Variants in TBX4 observed in about 807,000 individuals in gnomAD.
TBX4 encodes T-box transcription factor 4.
Under a neutral mutation model 54.6 loss-of-function variants are expected in TBX4, and 13 were observed. The observed-to-expected ratio is 0.24, with a 90% CI of 0.15 to 0.38. The LOEUF is 0.38. TBX4 is among the 10% of genes least tolerant of loss of function. The pLI, the probability that TBX4 is intolerant of heterozygous loss-of-function variation, is 1.00. For missense variants in TBX4, 631 were observed against 728.5 expected (o/e 0.87, Z 1.54); for synonymous variants, 314 against 306.7 (o/e 1.02, Z -0.25).
intron 2 of TBX4, 99 bp downstream of exon 2, chr17:61,456,775 TCAGGAG>T (rs2060453797): frequency 1.0e-6 from 1 of 965,522 alleles, no homozygotes; most frequent in East Asian, 3.7e-5. Flanking sequence ...GGACTCGCTT[TCAGGAG>T]GACCTGGCTG....
intron 5 of TBX4, among the ~76,000 whole-genome samples, chr17:61,469,958 C>T (rs2060564844): frequency 6.6e-6 from 1 of 152,220 alleles, no homozygotes; most frequent in Non-Finnish European, 1.5e-5. Flanking sequence ...TGAAAGCTTC[C>T]AGGCCTCAAG....
chr17:61,458,188 C>A (rs1370294340), intron 3 of TBX4, among the ~76,000 whole-genome samples: 1 of 151,612 alleles, frequency 6.6e-6, no homozygotes, highest in Non-Finnish European at 1.5e-5. Context: ...GAGCGGCTCT[C>A]GGTGGCTGCC....
At chr17:61,456,705 G>T in intron 2 of TBX4, 29 bp downstream of exon 2, 1 of 1,364,536 alleles carries the variant, frequency 7.3e-7, no homozygotes, top group South Asian at 1.7e-5. Context: ...TCGGGTAGAA[G>T]TCGGGCGTCG....
rs1283307580 is a variant in TBX4, at chr17:61,472,528, C to G, written c.549+4871C>G. Among the ~76,000 whole-genome samples, 3 of 152,170 alleles carry G rather than the reference C, an allele frequency of 2.0e-5. No individual in the cohort carries two copies. The highest frequency in any genetic ancestry group is 7.2e-5 in the African/African-American group (3 of 41,440). The stretch of plus-strand genomic sequence containing the variant: ...ACTCTTATAAATTAGGAGGATGTAG[C>G]TCTTATCTGTGATGAGTTACACATG... On this transcript the variant is annotated intron_variant, in intron 5 of 8. Coordinates refer to ENST00000644296, the MANE Select transcript of TBX4 (RefSeq NM_001321120.2). This position sits in a 1 kb window ranked among gnomAD's most constrained non-coding sequence, Gnocchi z 4.5.
chr17:61,457,420 A>G lies in TBX4; in HGVS notation c.187-117A>G, dbSNP rs988616357. On this transcript the variant is annotated intron_variant, in intron 2 of 8. Coordinates refer to ENST00000644296, the MANE Select transcript of TBX4 (RefSeq NM_001321120.2). This position sits in a 1 kb window ranked among gnomAD's most constrained non-coding sequence, Gnocchi z 8.2. ...GTTCTGTGAAACGAAATCTGGAGCCATGGGCTCCGGGCGGGCAGGGTTCCG... is the reference window on the plus strand; with the variant it reads ...GTTCTGTGAAACGAAATCTGGAGCCGTGGGCTCCGGGCGGGCAGGGTTCCG... 16 of 866,456 alleles carry G rather than the reference A, an allele frequency of 1.8e-5. No homozygotes were observed. Among genetic ancestry groups the G allele is most frequent in the South Asian group, 2.8e-5 (2 of 72,030 alleles). The allele number at this position is 866,456 out of a possible 1,614,324, so 53.7% of individuals were successfully genotyped here. A position where few individuals can be genotyped will look rare whatever the true frequency, so the allele number is the denominator to read the frequency against.
In TBX4 at chr17:61,476,517, G is replaced by A. The variant is rs1603254206; in HGVS notation, c.550-2110G>A. 6.6e-6 allele frequency among the ~76,000 whole-genome samples: 1 copy of A among 152,362 alleles called. No individual in the cohort carries two copies. Among genetic ancestry groups the A allele is most frequent in the East Asian group, 1.9e-4 (1 of 5,190 alleles). The stretch of plus-strand genomic sequence containing the variant: ...GCACGGTGATGGAGTCACCTAAAGG[G>A]GCTGGGAGGTGTTTTCCAGGCCCAG... On this transcript the variant is annotated intron_variant, in intron 5 of 8. Coordinates refer to ENST00000644296, the MANE Select transcript of TBX4 (RefSeq NM_001321120.2). This position sits in a 1 kb window ranked among gnomAD's most constrained non-coding sequence, Gnocchi z 6.5.
intron 5 of TBX4, among the ~76,000 whole-genome samples, chr17:61,473,550 T>C (rs753712739): frequency 2.3e-4 from 35 of 152,134 alleles, no homozygotes; most frequent in Non-Finnish European, 5.1e-4. Context: ...TTTCCTCCTT[T>C]CCTCCCACAT....
At chr17:61,468,100 C>T (rs1361396386) in intron 5 of TBX4, among the ~76,000 whole-genome samples, 2 of 152,208 alleles carry the variant, frequency 1.3e-5, no homozygotes, top group Admixed American at 6.5e-5. Context: ...TAAGCCTTTT[C>T]GAGCGAGAGT....
At position 61,481,846 on chromosome 17, in the gene TBX4, A is replaced by C. The variant is rs573915138; in HGVS notation, c.1022-1051A>C. On this transcript the variant is annotated intron_variant, in intron 8 of 8. Transcript: ENST00000644296. This position sits in a 1 kb window ranked among gnomAD's most constrained non-coding sequence, Gnocchi z 4.8. ...CAATGGTGCAATCTGGGCTCACTGC[A>C]ACCTCTGCCTCCCGAATTCAAGTGA... The C allele has an allele frequency of 6.6e-6, 1 of 152,352 alleles. No individual in the cohort carries two copies. The highest frequency in any genetic ancestry group is 1.5e-5 in the Non-Finnish European group (1 of 68,092). The allele number at this position is 152,352 out of a possible 1,614,324, so 9.4% of individuals were successfully genotyped here. A position where few individuals can be genotyped will look rare whatever the true frequency, so the allele number is the denominator to read the frequency against.
Position 61,465,934 on chromosome 17 carries a change from A to C in TBX4, c.397A>C (p.Lys133Gln). 6.2e-7 allele frequency: 1 copy of C among 1,613,954 alleles called. No individual in the cohort carries two copies. Among genetic ancestry groups the C allele is most frequent in the Admixed American group, 1.7e-5 (1 of 60,024 alleles). ...DDHRYKFCDN[K>Q]WMVAGKAEPA... The stretch of plus-strand genomic sequence containing the variant: ...CCATCGCTACAAGTTCTGTGACAAC[A>C]AATGGTAAGTGGACCCTGACCGCAT... The change falls in exon 4 of 9, where the codon AAA (lysine) becomes CAA (glutamine). Residue 133 changes from lysine to glutamine, a missense_variant. Around this residue, in one of 3 missense-constraint regions of TBX4, gnomAD observed 154 missense variants for 238.6 expected, o/e 0.65. Transcript: ENST00000644296. The surrounding 1 kb of genome is among the most constrained non-coding windows in gnomAD (Gnocchi z 4.9).
At chr17:61,477,918 G>C (rs1248354625) in intron 5 of TBX4, among the ~76,000 whole-genome samples, 1 of 138,808 alleles carries the variant, frequency 7.2e-6, no homozygotes, top group Non-Finnish European at 1.5e-5. Context: ...TCCAGCCTGG[G>C]CAACAAGAGT....
In TBX4 at chr17:61,474,549, A is replaced by G. The variant is rs58582622; in HGVS notation, c.550-4078A>G. Among the ~76,000 whole-genome samples, 9,640 of 152,338 alleles carry G rather than the reference A, an allele frequency of 0.063. 1,014 individuals carry two copies. The highest frequency in any genetic ancestry group is 0.22 in the African/African-American group (9,151 of 41,552). ...TAGATAGATCTGGGCTTTATTGGCC[A>G]AGCACGCTATGGCGATCTCTTGAGG... On this transcript the variant is annotated intron_variant, in intron 5 of 8. Transcript: ENST00000644296. The surrounding 1 kb of genome is among the most constrained non-coding windows in gnomAD (Gnocchi z 4.6).
In TBX4 at chr17:61,484,973, AACAC is replaced by A. The variant is rs929558513; in HGVS notation, c.*1466_*1469del. ...ATATATATATATATATATATATATA[AACAC>A]ACACACACTACAGATAAGGCTTTTT... On this transcript the variant is annotated 3_prime_UTR_variant, in exon 9 of 9. Coordinates refer to ENST00000644296, the MANE Select transcript of TBX4 (RefSeq NM_001321120.2). This position sits in a 1 kb window ranked among gnomAD's most constrained non-coding sequence, Gnocchi z 4.1. 1.4e-4 allele frequency: 19 copies of A among 136,958 alleles called. No individual in the cohort carries two copies. The highest frequency in any genetic ancestry group is 3.7e-3 in the Middle Eastern group (1 of 270). 8.5% of individuals were successfully genotyped at this position (136,958 alleles called of 1,614,324 possible). A position where few individuals can be genotyped will look rare whatever the true frequency, so the allele number is the denominator to read the frequency against.
rs115166552 is a variant in TBX4, at chr17:61,464,952, G to T, written c.282-867G>T. On this transcript the variant is annotated intron_variant, in intron 3 of 8. Transcript: ENST00000644296. The surrounding 1 kb of genome is among the most constrained non-coding windows in gnomAD (Gnocchi z 5.8). ...CACTTCTCCATTTACTTTGCTGAGG[G>T]AGGAGTGCAGCAGGGGTCCGTGGTA... 5.6e-3 allele frequency among the ~76,000 whole-genome samples: 857 copies of T among 152,296 alleles called. 6 individuals are homozygous for T. Among genetic ancestry groups the T allele is most frequent in the African/African-American group, 0.019 (795 of 41,550 alleles).
chr17:61,477,397 G>A (rs1022611187), intron 5 of TBX4, among the ~76,000 whole-genome samples: 3 of 152,240 alleles, frequency 2.0e-5, no homozygotes, highest in Non-Finnish European at 4.4e-5. Flanking sequence ...CCTCCAGGGC[G>A]CTTTGCTAAG....
chr17:61,481,033 T>C lies in TBX4; in HGVS notation c.1021+714T>C, dbSNP rs1043901453. ...TTCCCTTCGGAATGAGCCTGGGGAC[T>C]TTTGCTTGCCTTCCGGAATGTTCCC... On this transcript the variant is annotated intron_variant, in intron 8 of 8. Transcript: ENST00000644296. The surrounding 1 kb of genome is among the most constrained non-coding windows in gnomAD (Gnocchi z 4.8). Among the ~76,000 whole-genome samples the C allele has an allele frequency of 2.8e-4, 42 of 152,122 alleles. No homozygotes were observed. Among genetic ancestry groups the C allele is most frequent in the Admixed American group, 2.6e-4 (4 of 15,272 alleles).
At chr17:61,458,181 C>T (rs2060468304) in intron 3 of TBX4, among the ~76,000 whole-genome samples, 1 of 151,710 alleles carries the variant, frequency 6.6e-6, no homozygotes, top group South Asian at 2.1e-4. Flanking sequence ...GTTGGGGGAG[C>T]GGCTCTCGGT....
chr17:61,475,260 C>T lies in TBX4; in HGVS notation c.550-3367C>T, dbSNP rs1241444303. Among the ~76,000 whole-genome samples, 1 of 152,166 alleles carries T rather than the reference C, an allele frequency of 6.6e-6. No individual in the cohort carries two copies. The highest frequency in any genetic ancestry group is 6.5e-5 in the Admixed American group (1 of 15,276). ...GGGCTAAGGAGTTTGGCCTTTATTC[C>T]AAGGGTCAAGAGGGAACAATCAAAG... On this transcript the variant is annotated intron_variant, in intron 5 of 8. Coordinates refer to ENST00000644296, the MANE Select transcript of TBX4 (RefSeq NM_001321120.2). The surrounding 1 kb of genome is among the most constrained non-coding windows in gnomAD (Gnocchi z 5.0).
chr17:61,480,363 G>T lies in TBX4; in HGVS notation c.1021+44G>T. 1 of 1,542,920 alleles carries T rather than the reference G, an allele frequency of 6.5e-7. No individual in the cohort carries two copies. The highest frequency in any genetic ancestry group is 2.4e-5 in the East Asian group (1 of 42,494). On this transcript the variant is annotated intron_variant, in intron 8 of 8. Transcript: ENST00000644296. The surrounding 1 kb of genome is among the most constrained non-coding windows in gnomAD (Gnocchi z 6.2). ...AGAAGCCCTAGAGGGTAAGAGGAGC[G>T]GTGAGGTTCTCCCCGAAACCACTCT...
Sources: gnomAD v4.1 joint callset for allele counts (sites outside exome capture counted in the v4.1 genomes callset) on GRCh38, gnomAD v4.1.1 for gene constraint, gnomAD v4.1.1 regional missense constraint, Gnocchi (gnomAD v3.1) non-coding constraint, MANE v1.5 for transcripts, NCBI Gene and HGNC (gene_info 2026-07-23, HGNC 2026-07-21) for gene names.